Variants in ACSM1 observed in about 807,000 individuals in gnomAD.
The protein encoded by ACSM1 is acyl-coenzyme A synthetase ACSM1, mitochondrial.
Under a neutral mutation model 75.8 loss-of-function variants are expected in ACSM1, and 79 were observed. That is an observed-to-expected ratio of 1.04 (90% CI 0.87 to 1.26). The LOEUF (loss-of-function observed/expected upper bound fraction) is 1.26, where lower values mean the gene tolerates loss of function less well. Among genes scored for constraint, ACSM1 ranks in the 50% most tolerant of loss-of-function variants. ACSM1 has a pLI of 0.00. For synonymous variants in ACSM1, 279 were observed against 265.8 expected, an observed-to-expected ratio of 1.05 and a Z score of -0.48; for missense variants, 676 against 720.1, an observed-to-expected ratio of 0.94 and a Z score of 0.70.
intron 10 of ACSM1, among the ~76,000 whole-genome samples, chr16:20,635,532 CCT>C (rs2017613661): frequency 6.6e-6 from 1 of 152,066 alleles, no homozygotes; most frequent in African/African-American, 2.4e-5. Context: ...CTCAAAGATG[CCT>C]GGACATTATA....
chr16:20,667,623 G>A (rs933233325), intron 6 of ACSM1, among the ~76,000 whole-genome samples: 3 of 152,036 alleles, frequency 2.0e-5, no homozygotes, highest in South Asian at 4.1e-4. Flanking sequence ...TAGAACTACC[G>A]TTTGACCCAG....
At chr16:20,656,876 C>A (rs2018992420) in intron 7 of ACSM1, among the ~76,000 whole-genome samples, 1 of 149,240 alleles carries the variant, frequency 6.7e-6, no homozygotes. Flanking sequence ...AGACCAAACC[C>A]TCCAAATCAA....
At chr16:20,666,802 GC>G (rs2019591328) in intron 6 of ACSM1, among the ~76,000 whole-genome samples, 1 of 151,934 alleles carries the variant, frequency 6.6e-6, no homozygotes, top group Non-Finnish European at 1.5e-5. Flanking sequence ...CACAGCTATA[GC>G]CATATGGTCT....
chr16:20,695,439 G>A (rs1181663234), intron 1 of ACSM1, among the ~76,000 whole-genome samples: 2 of 152,112 alleles, frequency 1.3e-5, no homozygotes, highest in Non-Finnish European at 2.9e-5. Context: ...TTAAGCCAGA[G>A]GAAAAAAATT....
At chr16:20,647,270 T>C (rs1309768990) in intron 7 of ACSM1, among the ~76,000 whole-genome samples, 1 of 152,184 alleles carries the variant, frequency 6.6e-6, no homozygotes, top group East Asian at 1.9e-4. Context: ...GATTAAAACC[T>C]TGGACCGGGT....
At chr16:20,624,620 G>C (rs2016799710) in intron 12 of ACSM1, among the ~76,000 whole-genome samples, 1 of 152,030 alleles carries the variant, frequency 6.6e-6, no homozygotes, top group Non-Finnish European at 1.5e-5. Context: ...ATAATTACTG[G>C]CAATTTATTA....
intron 4 of ACSM1, chr16:20,674,709 AT>A (rs2020160699): frequency 6.6e-6 from 1 of 152,198 alleles, no homozygotes; most frequent in Non-Finnish European, 1.5e-5. Context: ...CATCCAAGGC[AT>A]GCCATGGGGG....
chr16:20,674,768 T>C (rs2020165296), intron 4 of ACSM1: 2 of 152,196 alleles, frequency 1.3e-5, no homozygotes, highest in African/African-American at 4.8e-5. Flanking sequence ...TGCCCAGCAG[T>C]GCAACTGAAC....
chr16:20,667,704 G>A (rs1026926682), intron 6 of ACSM1, among the ~76,000 whole-genome samples: 3 of 152,170 alleles, frequency 2.0e-5, no homozygotes, highest in Non-Finnish European at 4.4e-5. Context: ...AGGCTCATAT[G>A]TTATTGGCAG....
chr16:20,628,977 T>A (rs1013689871), intron 10 of ACSM1, among the ~76,000 whole-genome samples: 2 of 152,208 alleles, frequency 1.3e-5, no homozygotes, highest in African/African-American at 4.8e-5. Flanking sequence ...AAAAACATTT[T>A]AAAAACATCA....
At chr16:20,629,668 CACTATCTACA>C (rs2017213979) in intron 10 of ACSM1, among the ~76,000 whole-genome samples, 1 of 152,136 alleles carries the variant, frequency 6.6e-6, no homozygotes, top group Non-Finnish European at 1.5e-5. Flanking sequence ...TCCAAATATA[CACTATCTACA>C]AGAGATTCAT....
At chr16:20,676,465 A>G (rs1432947631) in intron 4 of ACSM1, among the ~76,000 whole-genome samples, 2 of 152,222 alleles carry the variant, frequency 1.3e-5, no homozygotes, top group African/African-American at 4.8e-5. Context: ...GCTGAAAATC[A>G]GTGCATGGTG....
intron 1 of ACSM1, among the ~76,000 whole-genome samples, chr16:20,691,903 C>T (rs574868906): frequency 6.6e-6 from 1 of 151,916 alleles, no homozygotes; most frequent in East Asian, 1.9e-4. Flanking sequence ...GTGGAGACAG[C>T]CCCCCTACAG....
At chr16:20,687,084 A>C (rs896753516) in intron 2 of ACSM1, among the ~76,000 whole-genome samples, 1 of 151,834 alleles carries the variant, frequency 6.6e-6, no homozygotes, top group Non-Finnish European at 1.5e-5. Flanking sequence ...TCAGGACTGA[A>C]GGAAAGGAGT....
chr16:20,685,786 C>T (rs963375898), intron 2 of ACSM1, among the ~76,000 whole-genome samples: 7 of 143,630 alleles, frequency 4.9e-5, no homozygotes, highest in Non-Finnish European at 7.5e-5. Context: ...CACCATTGCA[C>T]TCCAGCCTGG....
chr16:20,684,988 C>T (rs186050473), intron 3 of ACSM1, among the ~76,000 whole-genome samples: 1 of 152,254 alleles, frequency 6.6e-6, no homozygotes, highest in Admixed American at 6.5e-5. Context: ...AAAGGAGGTA[C>T]AGAGAAGAGA....
intron 6 of ACSM1, among the ~76,000 whole-genome samples, chr16:20,668,589 G>T (rs956171562): frequency 6.6e-6 from 1 of 152,210 alleles, no homozygotes; most frequent in Non-Finnish European, 1.5e-5. Flanking sequence ...TAGCCTGGGA[G>T]AATCAGCTTG....
intron 5 of ACSM1, among the ~76,000 whole-genome samples, chr16:20,670,339 C>T (rs942229081): frequency 6.6e-6 from 1 of 152,218 alleles, no homozygotes; most frequent in Non-Finnish European, 1.5e-5. Context: ...CTGGTCCACT[C>T]TATTTCCTGA....
chr16:20,691,800 TG>T, intron 1 of ACSM1, among the ~76,000 whole-genome samples: 1 of 143,086 alleles, frequency 7.0e-6, no homozygotes, highest in South Asian at 2.2e-4. Flanking sequence ...TGTGTGTGTG[TG>T]TGTGTTTCTA....
Sources: allele counts gnomAD v4.1 joint callset (sites outside exome capture counted in the v4.1 genomes callset), GRCh38; gene constraint gnomAD v4.1.1; transcripts MANE v1.5; gene names NCBI Gene and HGNC (gene_info 2026-07-23, HGNC 2026-07-21).